PLA2G5: variants seen among roughly 807,000 people sequenced by gnomAD.
The protein encoded by PLA2G5 is Ca2+-dependent phospholipase A2.
PLA2G5 carries 12 observed loss-of-function variants against 15.9 expected under a neutral mutation model. The observed-to-expected ratio is 0.76, with a 90% CI of 0.48 to 1.23. The LOEUF is 1.23. Ranked by LOEUF, PLA2G5 falls within the 50% of genes most tolerant of loss-of-function variation. PLA2G5 has a pLI of 0.00. For missense variants in PLA2G5, 169 were observed against 177.1 expected, an observed-to-expected ratio of 0.95 and a Z score of 0.26; for synonymous variants, 71 against 71.4, an observed-to-expected ratio of 0.99 and a Z score of 0.03.
At chr1:20,069,865 A>G (rs1292069131), upstream of PLA2G5, among the ~76,000 whole-genome samples, 1 of 152,040 alleles carries the variant, frequency 6.6e-6, no homozygotes, top group Non-Finnish European at 1.5e-5. Context: ...GGAAATTTGT[A>G]TATTAGATAG....
intron 1 of PLA2G5, among the ~76,000 whole-genome samples, chr1:20,043,706 G>T (rs1275295080): frequency 6.6e-6 from 1 of 152,174 alleles, no homozygotes. Context: ...GTGCATAAAA[G>T]AATGTTGTCC....
chr1:20,041,651 C>A (rs997022382), intron 1 of PLA2G5, among the ~76,000 whole-genome samples: 14 of 152,154 alleles, frequency 9.2e-5, no homozygotes, highest in African/African-American at 3.4e-4. Flanking sequence ...TTCTAAGAGA[C>A]AGGCTAGTGG....
intron 2 of PLA2G5, among the ~76,000 whole-genome samples, chr1:20,060,021 T>C (rs2014629487): frequency 6.6e-6 from 1 of 152,074 alleles, no homozygotes; most frequent in Admixed American, 6.6e-5. Context: ...CCACTAGGGC[T>C]GCACACAAGG....
chr1:20,041,536 G>C (rs146320995), intron 1 of PLA2G5, among the ~76,000 whole-genome samples: 12 of 152,316 alleles, frequency 7.9e-5, no homozygotes, highest in African/African-American at 2.9e-4. Flanking sequence ...GTCTAGGGAA[G>C]GGAGGGGGCC....
intron 1 of PLA2G5, among the ~76,000 whole-genome samples, chr1:20,079,113 CAAA>C (rs5772882): frequency 0.014 from 1,435 of 103,044 alleles, 30 homozygotes; most frequent in African/African-American, 0.045. Flanking sequence ...GACCCTGTCT[CAAA>C]AAAAAAAAAA....
intron 1 of PLA2G5, among the ~76,000 whole-genome samples, chr1:20,043,858 G>A (rs1408157847): frequency 1.3e-5 from 2 of 152,190 alleles, no homozygotes; most frequent in Admixed American, 6.5e-5. Flanking sequence ...TTAAGCAGGG[G>A]ACGGACTTAC....
At chr1:20,059,901 C>T (rs138622649) in intron 2 of PLA2G5, among the ~76,000 whole-genome samples, 17 of 152,198 alleles carry the variant, frequency 1.1e-4, no homozygotes, top group African/African-American at 3.4e-4. Context: ...TAGAAGCAGC[C>T]GTTCCCTTAA....
At chr1:20,086,019 G>A (rs182531225) in intron 2 of PLA2G5, 64 bp from the exon 3 acceptor site, 1 of 1,561,928 alleles carries the variant, frequency 6.4e-7, no homozygotes, top group East Asian at 2.3e-5. Flanking sequence ...GAGATGTTGG[G>A]CAGTGGGCCT....
intron 1 of PLA2G5, among the ~76,000 whole-genome samples, chr1:20,075,497 C>T (rs918239585): frequency 6.6e-6 from 1 of 152,170 alleles, no homozygotes; most frequent in African/African-American, 2.4e-5. Flanking sequence ...CAATTATTTA[C>T]CCAATTATTC....
intron 1 of PLA2G5, among the ~76,000 whole-genome samples, chr1:20,080,053 G>A (rs1248506867): frequency 1.3e-5 from 2 of 152,190 alleles, no homozygotes; most frequent in East Asian, 1.9e-4. Context: ...GTCCGGGAGC[G>A]GGGCTGCCTG....
Position 20,090,566 on chromosome 1 carries a change from A to G in PLA2G5, c.293-2A>G. 1 of 1,614,092 alleles carries G rather than the reference A, an allele frequency of 6.2e-7. No homozygotes were observed. Among genetic ancestry groups the G allele is most frequent in the Admixed American group, 1.7e-5 (1 of 60,022 alleles). Reference sequence around the variant, plus strand: ...CATTCTGCTCTTGGTGTCCTTTTGCAGAGCCCGGGCCCTTCTGCCATGTGA... The same window carrying G: ...CATTCTGCTCTTGGTGTCCTTTTGCGGAGCCCGGGCCCTTCTGCCATGTGA... On this transcript the variant is annotated splice_acceptor_variant, in intron 4 of 4. Transcript: ENST00000375108. LOFTEE classifies it high-confidence loss of function.
chr1:20,074,471 T>C (rs887961275), intron 1 of PLA2G5, among the ~76,000 whole-genome samples: 1 of 152,214 alleles, frequency 6.6e-6, no homozygotes, highest in African/African-American at 2.4e-5. Flanking sequence ...TTTTACAGGA[T>C]AGAACCGAGG....
At chr1:20,084,262 C>A (rs1011722306) in intron 1 of PLA2G5, among the ~76,000 whole-genome samples, 4 of 152,164 alleles carry the variant, frequency 2.6e-5, no homozygotes, top group African/African-American at 9.7e-5. Flanking sequence ...TGCATCCGCC[C>A]AGCCTCTGCC....
At chr1:20,033,102 T>C (rs2013056111) in intron 1 of PLA2G5, among the ~76,000 whole-genome samples, 1 of 152,242 alleles carries the variant, frequency 6.6e-6, no homozygotes, top group Admixed American at 6.5e-5. Context: ...TTTTTCCTTT[T>C]GCTAGGATGG....
intron 1 of PLA2G5, among the ~76,000 whole-genome samples, chr1:20,046,373 C>T (rs2013903010): frequency 6.6e-6 from 1 of 152,122 alleles, no homozygotes. Context: ...AAATTCCTTG[C>T]AACTGCAAAA....
At chr1:20,080,143 C>T (rs766442740) in intron 1 of PLA2G5, among the ~76,000 whole-genome samples, 1 of 151,790 alleles carries the variant, frequency 6.6e-6, no homozygotes, top group African/African-American at 2.4e-5. Context: ...GGGGACTTGG[C>T]AAAGACCCAG....
chr1:20,052,832 C>G (rs1340265039), intron 1 of PLA2G5, among the ~76,000 whole-genome samples: 2 of 152,160 alleles, frequency 1.3e-5, no homozygotes. Flanking sequence ...CAAAGTCACC[C>G]CCTGCCCACT....
At position 20,032,703 on chromosome 1, in the gene PLA2G5, A is replaced by C. The variant is rs553332029; in HGVS notation, n.276+3994A>C. The stretch of plus-strand genomic sequence containing the variant: ...CAGAAGGTCCTGGAACTTGGGCAAG[A>C]CAATTTTATTACTGAGGTAAAACCA... On this transcript the variant is annotated intron_variant and non_coding_transcript_variant, in intron 1 of 6. Transcript: ENST00000460175. Among the ~76,000 whole-genome samples the C allele has an allele frequency of 3.9e-5, 6 of 152,336 alleles. No homozygotes were observed. In the East Asian group the frequency reaches 1.2e-3, roughly 29 times the overall value.
chr1:20,070,208 C>A lies in PLA2G5; in HGVS notation c.-268C>A, dbSNP rs1469004638. ...TCTGCAAAGGCAGTCGGGGGCTGAG[C>A]AGGGTTCTACCCGGCTGGGTCCAGG... On this transcript the variant is annotated 5_prime_UTR_variant, in exon 1 of 5. Transcript: ENST00000375108. The A allele has an allele frequency of 2.0e-6, 2 of 985,420 alleles. No homozygotes were observed. The highest frequency in any genetic ancestry group is 3.5e-5 in the African/African-American group (2 of 57,244). The allele number at this position is 985,420 out of a possible 1,614,324, so 61.0% of individuals were successfully genotyped here.
Sources: gnomAD v4.1 joint callset for allele counts (sites outside exome capture counted in the v4.1 genomes callset) on GRCh38, gnomAD v4.1.1 for gene constraint, MANE v1.5 for transcripts, NCBI Gene and HGNC (gene_info 2026-07-23, HGNC 2026-07-21) for gene names.